The following ACSL4 variants were observed in gnomAD, a reference collection of about 807,000 sequenced individuals.
ACSL4 encodes the protein long-chain-fatty-acid--CoA ligase 4.
Under a neutral mutation model 49.1 loss-of-function variants are expected in ACSL4, and 9 were observed. The ratio of observed to expected loss-of-function variants is 0.18; its 90% CI spans 0.11 to 0.32. The LOEUF (loss-of-function observed/expected upper bound fraction) is 0.32, where lower values mean the gene tolerates loss of function less well. Ranked by LOEUF, ACSL4 falls within the 10% of genes least tolerant of loss-of-function variation. The pLI is 1.00. For missense variants in ACSL4, 333 were observed against 493.7 expected (o/e 0.67, Z 3.08); for synonymous variants, 191 against 170.3 (o/e 1.12, Z -0.95).
At chrX:109,716,412 T>C (rs750371669) in intron 1 of ACSL4, among the ~76,000 whole-genome samples, 61 of 112,317 alleles carry the variant, frequency 5.4e-4, no homozygotes, top group Non-Finnish European at 5.6e-4. Flanking sequence ...CTTCAAATAT[T>C]GGGGCAAGGA....
intron 11 of ACSL4, among the ~76,000 whole-genome samples, chrX:109,667,478 A>C (rs996037755): frequency 3.5e-5 from 4 of 112,909 alleles, no homozygotes; most frequent in African/African-American, 1.3e-4. Flanking sequence ...CACAGATTTA[A>C]GAGGGAGCAT....
intron 5 of ACSL4, 57 bp downstream of exon 5, chrX:109,681,209 A>C: frequency 8.3e-7 from 1 of 1,200,858 alleles, no homozygotes. Flanking sequence ...CTGAATGAAT[A>C]TTTTTCTGTC....
At chrX:109,712,774 A>G (rs1018358667) in intron 1 of ACSL4, among the ~76,000 whole-genome samples, 2 of 111,512 alleles carry the variant, frequency 1.8e-5, no homozygotes, top group African/African-American at 3.3e-5. Context: ...CAGGGGTTTC[A>G]GACCAGCCTG....
chrX:109,700,077 G>T (rs1029638605), intron 1 of ACSL4, among the ~76,000 whole-genome samples: 3 of 108,358 alleles, frequency 2.8e-5, no homozygotes, highest in African/African-American at 1.0e-4. Context: ...GCGTGGTGGT[G>T]GATGCCTGTA....
intron 1 of ACSL4, among the ~76,000 whole-genome samples, chrX:109,718,036 T>A (rs1437222365): frequency 1.8e-5 from 2 of 112,012 alleles, no homozygotes; most frequent in African/African-American, 6.5e-5. Flanking sequence ...TGATTTTAAC[T>A]AAAGAGGTAG....
At chrX:109,649,703 G>A (rs1384420935) in intron 15 of ACSL4, among the ~76,000 whole-genome samples, 2 of 110,323 alleles carry the variant, frequency 1.8e-5, no homozygotes, top group East Asian at 2.8e-4. Flanking sequence ...AAGAGCTTCT[G>A]CACAGCAAAA....
intron 6 of ACSL4, among the ~76,000 whole-genome samples, chrX:109,679,635 T>G (rs1924015430): frequency 8.9e-6 from 1 of 112,461 alleles, no homozygotes; most frequent in Non-Finnish European, 1.9e-5. Flanking sequence ...TAAGCACATG[T>G]GATACTTTGC....
intron 12 of ACSL4, among the ~76,000 whole-genome samples, chrX:109,663,858 G>T (rs1241676119): frequency 9.0e-6 from 1 of 111,383 alleles, no homozygotes; most frequent in African/African-American, 3.3e-5. Context: ...GAGAGGGAAA[G>T]GGGGGACTAT....
intron 11 of ACSL4, among the ~76,000 whole-genome samples, chrX:109,666,239 T>C (rs759705120): frequency 8.9e-6 from 1 of 111,988 alleles, no homozygotes; most frequent in Admixed American, 9.4e-5. Flanking sequence ...ACTTAAACAA[T>C]GAATGTAAAA....
At chrX:109,661,394 T>C (rs976637893) in intron 14 of ACSL4, 137 bp downstream of exon 14, 13 of 493,977 alleles carry the variant, frequency 2.6e-5, no homozygotes, top group Admixed American at 1.6e-4. Flanking sequence ...TTCACTAACT[T>C]ACATAAATGT....
At chrX:109,684,006 T>G (rs1924391768) in intron 2 of ACSL4, among the ~76,000 whole-genome samples, 1 of 111,775 alleles carries the variant, frequency 8.9e-6, no homozygotes, top group African/African-American at 3.3e-5. Context: ...TATTTAAGTT[T>G]GTCAAAACTT....
rs1293084867 is a variant in ACSL4 at position 109,642,147 on chromosome X, G to C, written c.*1882C>G. 9.0e-6 allele frequency: 1 copy of C among 110,813 alleles called. No individual in the cohort carries two copies. Among genetic ancestry groups the C allele is most frequent in the South Asian group, 3.8e-4 (1 of 2,620 alleles). The allele number at this position is 110,813 out of a possible 1,213,427, so 9.1% of individuals were successfully genotyped here. On this transcript the variant is annotated 3_prime_UTR_variant, in exon 16 of 16. Coordinates refer to ENST00000672401, the MANE Select transcript of ACSL4 (RefSeq NM_001318510.2). ...GCTTTTGGGAGTTGGGGGCAGATTG[G>C]GGGTGCAAATATCTGAGATAAGATA...
intron 1 of ACSL4, among the ~76,000 whole-genome samples, chrX:109,726,643 T>C (rs777797521): frequency 8.9e-6 from 1 of 111,878 alleles, no homozygotes; most frequent in African/African-American, 3.2e-5. Context: ...TTAAAGCTTC[T>C]AATGCATATG....
chrX:109,648,264 A>C (rs1238211046), intron 15 of ACSL4, among the ~76,000 whole-genome samples: 3 of 111,316 alleles, frequency 2.7e-5, no homozygotes, highest in African/African-American at 9.8e-5. Flanking sequence ...ACATTGATGC[A>C]AAAATCCTCA....
At chrX:109,688,279 C>T (rs1924768177) in intron 2 of ACSL4, among the ~76,000 whole-genome samples, 1 of 111,811 alleles carries the variant, frequency 8.9e-6, no homozygotes, top group Non-Finnish European at 1.9e-5. Context: ...TATGGATGAA[C>T]TGTTGATGCT....
At chrX:109,650,710 C>T (rs1228291504) in intron 15 of ACSL4, among the ~76,000 whole-genome samples, 2 of 111,220 alleles carry the variant, frequency 1.8e-5, no homozygotes. Context: ...AAGAGAAGTC[C>T]CTTTGTCTCT....
chrX:109,682,391 C>A (rs1342196288), intron 4 of ACSL4, among the ~76,000 whole-genome samples: 2 of 110,375 alleles, frequency 1.8e-5, no homozygotes, highest in African/African-American at 6.6e-5. Flanking sequence ...GTTTTTTGTT[C>A]TTTTAATCAT....
intron 14 of ACSL4, 143 bp downstream of exon 14, chrX:109,661,388 C>T (rs1230326257): frequency 1.8e-5 from 9 of 488,011 alleles, no homozygotes; most frequent in Non-Finnish European, 2.5e-5. Context: ...GTTGAATTCA[C>T]TAACTTACAT....
chrX:109,670,907 G>A (rs1180039861), intron 9 of ACSL4, among the ~76,000 whole-genome samples: 15 of 112,782 alleles, frequency 1.3e-4, no homozygotes, highest in Non-Finnish European at 2.8e-4. Context: ...GATTGCAGAC[G>A]GAGTCTCACT....
Sources: gnomAD v4.1 joint callset for allele counts (sites outside exome capture counted in the v4.1 genomes callset) on GRCh38, gnomAD v4.1.1 for gene constraint, MANE v1.5 for transcripts, NCBI Gene and HGNC (gene_info 2026-07-23, HGNC 2026-07-21) for gene names.